Variants in XKR5 observed in about 807,000 individuals in gnomAD.
XKR5 encodes XK related 5.
XKR5 carries 46 observed loss-of-function variants against 40.8 expected under a neutral mutation model. The observed-to-expected ratio is 1.13, with a 90% CI of 0.89 to 1.44. The LOEUF (loss-of-function observed/expected upper bound fraction) is 1.44, where lower values mean the gene tolerates loss of function less well. Among genes scored for constraint, XKR5 ranks in the 40% most tolerant of loss-of-function variants. The pLI, the probability that XKR5 is intolerant of heterozygous loss-of-function variation, is 0.00. For missense variants in XKR5, 1,169 were observed against 844.7 expected, an observed-to-expected ratio of 1.38 and a Z score of -4.76; for synonymous variants, 466 against 356.1, an observed-to-expected ratio of 1.31 and a Z score of -3.48.
chr8:6,819,842 CCTACCTTCCT>C (rs1563353271), intron 5 of XKR5, among the ~76,000 whole-genome samples: 70 of 58,638 alleles, frequency 1.2e-3, no homozygotes, highest in South Asian at 6.7e-3. Context: ...CTTCCTCTTC[CCTACCTTCCT>C]TTCCTTCCTT....
intron 2 of XKR5, among the ~76,000 whole-genome samples, chr8:6,825,872 T>C (rs555452257): frequency 2.7e-4 from 41 of 152,290 alleles, no homozygotes; most frequent in African/African-American, 9.1e-4. Context: ...AAGAAGGATC[T>C]GGAGGCTTTG....
intron 5 of XKR5, among the ~76,000 whole-genome samples, chr8:6,818,749 G>A (rs1293283442): frequency 1.3e-5 from 2 of 152,184 alleles, no homozygotes; most frequent in South Asian, 2.1e-4. Flanking sequence ...TCCCCTGAGT[G>A]CCACTGACAA....
intron 5 of XKR5, among the ~76,000 whole-genome samples, chr8:6,821,074 G>C (rs1179220705): frequency 1.3e-5 from 2 of 152,168 alleles, no homozygotes. Flanking sequence ...CTTATTCCTA[G>C]CGTGTGCATG....
intron 2 of XKR5, among the ~76,000 whole-genome samples, chr8:6,829,509 C>T (rs1804662762): frequency 1.3e-5 from 2 of 151,998 alleles, no homozygotes; most frequent in Non-Finnish European, 2.9e-5. Flanking sequence ...TAAATCCTTG[C>T]CTTTTTATAT....
intron 5 of XKR5, among the ~76,000 whole-genome samples, chr8:6,820,760 C>A (rs1427473593): frequency 6.6e-6 from 1 of 152,152 alleles, no homozygotes; most frequent in South Asian, 2.1e-4. Context: ...GTCCTGTGAG[C>A]TCTGCCTGGC....
chr8:6,815,005 G>T (rs776132244), intron 6 of XKR5, among the ~76,000 whole-genome samples: 11 of 152,228 alleles, frequency 7.2e-5, no homozygotes, highest in Non-Finnish European at 1.0e-4. Flanking sequence ...GCTCTGGAGG[G>T]AGGGCAGGAG....
chr8:6,819,797 C>T (rs1289202211), intron 5 of XKR5, among the ~76,000 whole-genome samples: 1 of 151,656 alleles, frequency 6.6e-6, no homozygotes, highest in Non-Finnish European at 1.5e-5. Flanking sequence ...TATTGGCTAT[C>T]TTTACCCTCC....
In XKR5 at chr8:6,823,708, C is replaced by A. The variant is rs772997203; in HGVS notation, c.450G>T (p.Trp150Cys). ...ACACCAGTGCCCAGGAGAGTGAGGA[C>A]CAGGAAAACAGGGTGCTCACCCCTG... The part of the protein sequence containing the change: ...IVPGVSTLFS[W>C]SSLSWALVSY... The change falls in exon 4 of 7, where the codon TGG (tryptophan) becomes TGT (cysteine). Residue 150 changes from tryptophan to cysteine, a missense_variant. Transcript: ENST00000618742. 2.3e-5 allele frequency: 37 copies of A among 1,583,886 alleles called. No homozygotes were observed. Among genetic ancestry groups the A allele is most frequent in the Non-Finnish European group, 3.2e-5 (37 of 1,165,308 alleles).
intron 1 of XKR5, 87 bp downstream of exon 1, chr8:6,835,349 C>T (rs1804965017): frequency 7.7e-7 from 1 of 1,295,978 alleles, no homozygotes; most frequent in Non-Finnish European, 9.9e-7. Context: ...AGTGCCCGCC[C>T]GGGCATAGGC....
intron 2 of XKR5, among the ~76,000 whole-genome samples, chr8:6,829,762 C>T (rs557697720): frequency 1.3e-5 from 2 of 151,132 alleles, no homozygotes; most frequent in South Asian, 4.2e-4. Context: ...AGAGATCAGC[C>T]TGCCTCCACC....
chr8:6,819,683 G>C (rs905701029), intron 5 of XKR5, among the ~76,000 whole-genome samples: 1 of 152,192 alleles, frequency 6.6e-6, no homozygotes, highest in Non-Finnish European at 1.5e-5. Flanking sequence ...TCAGTTTCAT[G>C]GTTGCAGCCC....
At chr8:6,828,676 C>CG (rs1804628471) in intron 2 of XKR5, among the ~76,000 whole-genome samples, 1 of 152,200 alleles carries the variant, frequency 6.6e-6, no homozygotes, top group Non-Finnish European at 1.5e-5. Context: ...CAGCACTTGC[C>CG]TGGATTTCTG....
chr8:6,812,293 G>A lies in XKR5; in HGVS notation c.966C>T (p.Ser322=). ...VIYYSLLHPK[S]TDIWQGCLRK... is the part of the protein sequence containing the mutation. ...TTAGGCAGCCCTGCCAGATGTCTGT[G>A]GATTTTGGATGCAGCAGGCTGTAAT... is the stretch of plus-strand genomic sequence containing the variant. Residue 322 remains serine (S), a synonymous_variant, in exon 7 of 7, where the codon TCC becomes TCT. Coordinates refer to ENST00000618742, the MANE Select transcript of XKR5 (RefSeq NM_207411.5). 1 of 1,553,686 alleles carries A rather than the reference G, an allele frequency of 6.4e-7. No homozygotes were observed. Among genetic ancestry groups the A allele is most frequent in the Non-Finnish European group, 8.7e-7 (1 of 1,147,728 alleles).
rs530312638 is a variant in XKR5 at position 6,822,510 on chromosome 8, A to T, written c.638-472T>A. Among the ~76,000 whole-genome samples, 233 of 152,352 alleles carry T rather than the reference A, an allele frequency of 1.5e-3. 2 individuals carry two copies. The highest frequency in any genetic ancestry group is 2.9e-3 in the Non-Finnish European group (197 of 68,036). On this transcript the variant is annotated intron_variant, in intron 4 of 6. Transcript: ENST00000618742. ...GGATTTCAAGCTGATTTTTTTTAAA[A>T]AAAGAATAACAAAATAGCTAATCTC... is the stretch of plus-strand genomic sequence containing the variant.
rs554300046 is a variant in XKR5, at chr8:6,825,364, A to G, written c.243-15T>C. On this transcript the variant is annotated splice_polypyrimidine_tract_variant and intron_variant, in intron 2 of 6. Transcript: ENST00000618742. The stretch of plus-strand genomic sequence containing the variant: ...CGTCCCAGTGCCTAGGGAACAGCAG[A>G]GGGCACGTGACACGGAGCCAGGCTG... 1.3e-5 allele frequency: 19 copies of G among 1,516,768 alleles called. No individual in the cohort carries two copies. In the South Asian group the frequency reaches 2.3e-4, roughly 19 times the overall value. 94.0% of individuals were successfully genotyped at this position (1,516,768 alleles called of 1,614,324 possible). A position where few individuals can be genotyped will look rare whatever the true frequency, so the allele number is the denominator to read the frequency against.
intron 5 of XKR5, among the ~76,000 whole-genome samples, chr8:6,820,976 T>C (rs186767381): frequency 3.3e-4 from 50 of 152,320 alleles, no homozygotes; most frequent in Non-Finnish European, 6.3e-4. Context: ...CAGCTACTTA[T>C]GTATATTATT....
intron 2 of XKR5, among the ~76,000 whole-genome samples, chr8:6,831,057 G>A (rs1264427189): frequency 6.6e-6 from 1 of 152,156 alleles, no homozygotes; most frequent in African/African-American, 2.4e-5. Context: ...CTCTCTTTGG[G>A]CTGCCAAACA....
Position 6,811,881 on chromosome 8 carries a change from G to A in XKR5, c.1378C>T (p.Arg460Cys), listed in dbSNP as rs201279134. ...SAQQELPSSS[R>C]DPSTLENSSA... ...CTGTTCTCTAAGGTTGAGGGGTCAC[G>A]GGATGAGGATGGGAGCTCTTGCTGG... is the stretch of plus-strand genomic sequence containing the variant. Residue 460 changes from arginine (R) to cysteine (C), a missense_variant, in exon 7 of 7, where the codon CGT (arginine) becomes TGT (cysteine). Arg to Cys is a radical substitution (Grantham distance 180). Coordinates refer to ENST00000618742, the MANE Select transcript of XKR5 (RefSeq NM_207411.5). 220 of 1,537,388 alleles carry A rather than the reference G, an allele frequency of 1.4e-4. No individual in the cohort carries two copies. Among genetic ancestry groups the A allele is most frequent in the Non-Finnish European group, 1.8e-4 (206 of 1,146,978 alleles).
In XKR5 at chr8:6,832,642, CCACATGGAGAGAAGATTCCTCTCACTG is replaced by C; in HGVS notation, c.242+48_242+74del. 1.9e-6 allele frequency: 3 copies of C among 1,569,128 alleles called. No individual in the cohort carries two copies. In the South Asian group the frequency reaches 3.5e-5, roughly 18 times the overall value. Reference sequence around the variant, plus strand: ...ACTTTTATGAGCTTGAGGACAGAATCCACATGGAGAGAAGATTCCTCTCACTGCACTTGTGCAATTGTGCTCCAGAGG... The same window carrying C: ...ACTTTTATGAGCTTGAGGACAGAATCCACTTGTGCAATTGTGCTCCAGAGG... On this transcript the variant is annotated intron_variant, in intron 2 of 6. Coordinates refer to ENST00000618742, the MANE Select transcript of XKR5 (RefSeq NM_207411.5).
Sources: gnomAD v4.1 joint callset for allele counts (sites outside exome capture counted in the v4.1 genomes callset) on GRCh38, gnomAD v4.1.1 for gene constraint, MANE v1.5 for transcripts, NCBI Gene and HGNC (gene_info 2026-07-23, HGNC 2026-07-21) for gene names.